The following MYO5C variants were observed in gnomAD, a reference collection of about 807,000 sequenced individuals.
The protein encoded by MYO5C is unconventional myosin-Vc.
MYO5C carries 194 observed loss-of-function variants against 235.7 expected under a neutral mutation model. The observed-to-expected ratio is 0.82, with a 90% CI of 0.73 to 0.93. MYO5C has a LOEUF of 0.93. MYO5C is among the 40% of genes least tolerant of loss of function. The pLI, the probability that MYO5C is intolerant of heterozygous loss-of-function variation, is 0.00. For missense variants in MYO5C, 2,038 were observed against 2,127.2 expected (o/e 0.96, Z 0.82); for synonymous variants, 707 against 754.8 (o/e 0.94, Z 1.04).
Position 52,242,088 on chromosome 15 carries a change from G to A in MYO5C, c.2516C>T (p.Ala839Val). The A allele has an allele frequency of 6.2e-7, 1 of 1,613,900 alleles. No individual in the cohort carries two copies. Among genetic ancestry groups the A allele is most frequent in the Non-Finnish European group, 8.5e-7 (1 of 1,179,902 alleles). Residue 839 changes from alanine to valine, a missense_variant, in exon 20 of 41, where the codon GCC becomes GTC. Ala to Val is a moderately conservative substitution (Grantham distance 64). Transcript: ENST00000261839. ...CCTTGCCAGGAATCCTCGGCTGTAG[G>A]CCTGCATTGTGATGGTGGCCATGCG... is the stretch of plus-strand genomic sequence containing the variant. ...LIRMATITMQAYSRGFLARRR... is the reference protein window; with the variant it reads ...LIRMATITMQVYSRGFLARRR...
chr15:52,293,846 C>G (rs2037445285), intron 1 of MYO5C, among the ~76,000 whole-genome samples: 1 of 152,222 alleles, frequency 6.6e-6, no homozygotes. Flanking sequence ...CTGCCAGCCC[C>G]CACTCAAAAC....
chr15:52,262,150 T>C (rs1284780899), intron 9 of MYO5C, among the ~76,000 whole-genome samples: 1 of 152,098 alleles, frequency 6.6e-6, no homozygotes, highest in African/African-American at 2.4e-5. Flanking sequence ...GGGAAAAAAA[T>C]GCAAAGGGGC....
chr15:52,271,062 C>T (rs909897475), intron 7 of MYO5C, among the ~76,000 whole-genome samples: 4 of 152,144 alleles, frequency 2.6e-5, no homozygotes, highest in African/African-American at 7.2e-5. Context: ...AATGAATGAC[C>T]TTGAGCCATC....
intron 38 of MYO5C, among the ~76,000 whole-genome samples, chr15:52,197,561 T>A (rs4488394): frequency 0.98 from 149,625 of 152,312 alleles, 73,538 homozygotes; most frequent in East Asian, 1. Flanking sequence ...AAATGTTCTA[T>A]AATTACATTA....
chr15:52,248,579 A>G, intron 14 of MYO5C, 121 bp downstream of exon 14: 2 of 693,824 alleles, frequency 2.9e-6, no homozygotes, highest in Non-Finnish European at 4.9e-6. Flanking sequence ...ACCACTGTCC[A>G]GAGAGTTCAC....
At chr15:52,274,156 G>A (rs552131188) in intron 5 of MYO5C, among the ~76,000 whole-genome samples, 19 of 152,218 alleles carry the variant, frequency 1.2e-4, no homozygotes, top group Middle Eastern at 3.4e-3. Flanking sequence ...CCATGCGCTC[G>A]GTAAACAAAG....
At chr15:52,244,283 G>T in intron 19 of MYO5C, 73 bp downstream of exon 19, 1 of 1,464,820 alleles carries the variant, frequency 6.8e-7, no homozygotes. Context: ...TGTCCTTGAT[G>T]AGTCCTCCCC....
At chr15:52,221,355 G>T in intron 29 of MYO5C, 100 bp from the exon 30 acceptor site, 1 of 808,352 alleles carries the variant, frequency 1.2e-6, no homozygotes, top group Non-Finnish European at 1.9e-6. Flanking sequence ...TCAGCCTGCA[G>T]AACAGATAGC....
In MYO5C at chr15:52,260,968, T is replaced by G. The variant is rs1251278830; in HGVS notation, c.1207A>C (p.Lys403Gln). The G allele has an allele frequency of 6.2e-7, 1 of 1,614,248 alleles. No homozygotes were observed. Among genetic ancestry groups the G allele is most frequent in the Non-Finnish European group, 8.5e-7 (1 of 1,180,038 alleles). The change falls in exon 10 of 41, where the codon AAA (lysine) becomes CAA (glutamine). Residue 403 changes from lysine (K) to glutamine (Q), a missense_variant. By Grantham distance (53) the Lys-to-Gln change is moderately conservative. Coordinates refer to ENST00000261839, the MANE Select transcript of MYO5C (RefSeq NM_018728.4). ...TCGAACAGGTGAGCATAGATCTTTT[T>G]GGCCAGTGCATCCCTGGCGTTGACA... ...QAVNARDALA[K>Q]KIYAHLFDFI...
intron 1 of MYO5C, among the ~76,000 whole-genome samples, chr15:52,287,191 C>A (rs938311997): frequency 6.6e-6 from 1 of 151,556 alleles, no homozygotes; most frequent in African/African-American, 2.4e-5. Context: ...CTTGCCGAAA[C>A]GTGACATGGA....
At chr15:52,246,668 G>T (rs75396623) in intron 16 of MYO5C, among the ~76,000 whole-genome samples, 10 of 152,074 alleles carry the variant, frequency 6.6e-5, no homozygotes, top group Non-Finnish European at 1.0e-4. Flanking sequence ...CAAGTAAAAG[G>T]TTCAAGTTGC....
At chr15:52,259,253 T>C (rs926530040) in intron 10 of MYO5C, among the ~76,000 whole-genome samples, 1 of 151,772 alleles carries the variant, frequency 6.6e-6, no homozygotes, top group Non-Finnish European at 1.5e-5. Flanking sequence ...ACCCAGTCTC[T>C]ACTAAAAATA....
At chr15:52,280,116 G>A (rs904584017) in intron 2 of MYO5C, among the ~76,000 whole-genome samples, 29 of 152,232 alleles carry the variant, frequency 1.9e-4, no homozygotes, top group African/African-American at 6.8e-4. Flanking sequence ...CAGCTAAAAT[G>A]ACACAGTGAC....
At chr15:52,201,243 T>C (rs2035180890) in intron 38 of MYO5C, among the ~76,000 whole-genome samples, 1 of 151,552 alleles carries the variant, frequency 6.6e-6, no homozygotes, top group East Asian at 1.9e-4. Flanking sequence ...TCACAAACTA[T>C]GGAAAACTAA....
intron 29 of MYO5C, among the ~76,000 whole-genome samples, chr15:52,222,742 G>A (rs1177663576): frequency 6.6e-6 from 1 of 152,200 alleles, no homozygotes; most frequent in Non-Finnish European, 1.5e-5. Context: ...GGTTAAGACA[G>A]AGATGGCTTT....
intron 20 of MYO5C, among the ~76,000 whole-genome samples, chr15:52,241,186 C>T (rs1432296056): frequency 1.3e-5 from 2 of 151,096 alleles, no homozygotes; most frequent in African/African-American, 2.4e-5. Flanking sequence ...TGGAGTTGGA[C>T]ACCCTGGACA....
Position 52,271,768 on chromosome 15 carries a change from T to G in MYO5C, c.827A>C (p.Lys276Thr). Residue 276 changes from lysine to threonine, a missense_variant, in exon 7 of 41, where the codon AAA becomes ACA. Lys to Thr is a moderately conservative substitution (Grantham distance 78). Coordinates refer to ENST00000261839, the MANE Select transcript of MYO5C (RefSeq NM_018728.4). ...ATACACGATCCATCACATACCCAAT[T>G]TAAGATGTTTAAATTCCGACTGCTG... ...SAQQSEFKHL[K>T]LGSAEEFNYT... 6.5e-7 allele frequency: 1 copy of G among 1,539,590 alleles called. No homozygotes were observed. The highest frequency in any genetic ancestry group is 8.8e-7 in the Non-Finnish European group (1 of 1,131,296).
chr15:52,240,033 T>C (rs1218809906), intron 20 of MYO5C, among the ~76,000 whole-genome samples, 154 bp from the exon 21 acceptor site: 3 of 152,152 alleles, frequency 2.0e-5, no homozygotes, highest in African/African-American at 7.2e-5. Context: ...TTTCAAACAA[T>C]AACCAAATCC....
intron 31 of MYO5C, 118 bp from the exon 32 acceptor site, chr15:52,218,805 G>T: frequency 9.9e-7 from 1 of 1,011,376 alleles, no homozygotes; most frequent in Non-Finnish European, 1.5e-6. Context: ...CAATTTCTGT[G>T]TAAAGCAAAT....
Sources: allele counts gnomAD v4.1 joint callset (sites outside exome capture counted in the v4.1 genomes callset), GRCh38; gene constraint gnomAD v4.1.1; transcripts MANE v1.5; gene names NCBI Gene and HGNC (gene_info 2026-07-23, HGNC 2026-07-21).